The following ADAMTSL1 variants were observed in gnomAD, a reference collection of about 807,000 sequenced individuals.
ADAMTSL1 encodes the protein ADAMTS like 1.
ADAMTSL1 carries 126 observed loss-of-function variants against 201.8 expected under a neutral mutation model. The observed-to-expected ratio is 0.62, with a 90% CI of 0.54 to 0.72. The LOEUF is 0.72. Ranked by LOEUF, ADAMTSL1 falls within the 30% of genes least tolerant of loss-of-function variation. ADAMTSL1 has a pLI of 0.00. For missense variants in ADAMTSL1, 2,679 were observed against 2,277.8 expected (o/e 1.18, Z -3.59); for synonymous variants, 1,121 against 903.4 (o/e 1.24, Z -4.32).
chr9:18,789,344 T>G lies in ADAMTSL1; in HGVS notation c.3678-6053T>G, dbSNP rs191931513. Among the ~76,000 whole-genome samples, 5 of 152,302 alleles carry G rather than the reference T, an allele frequency of 3.3e-5. No homozygotes were observed. The East Asian group carries it at 5.8e-4, about 18-fold the overall frequency. ...GGTACTATCATTCTCATTTTATAAA[T>G]GAGGAAACTGTCACTGAGAAGTTAA... is the stretch of plus-strand genomic sequence containing the variant. On this transcript the variant is annotated intron_variant, in intron 19 of 28. Transcript: ENST00000380548.
intron 23 of ADAMTSL1, among the ~76,000 whole-genome samples, chr9:18,876,382 T>A (rs1828159417): frequency 6.6e-6 from 1 of 151,084 alleles, no homozygotes. Flanking sequence ...AGTTCTATTT[T>A]GGTGTATTTT....
chr9:18,073,122 C>A (rs1054870547), intron 1 of ADAMTSL1, among the ~76,000 whole-genome samples: 6 of 152,200 alleles, frequency 3.9e-5, no homozygotes, highest in Non-Finnish European at 7.3e-5. Context: ...AACAGGCTCA[C>A]CAGGCCTGCC....
At chr9:18,874,026 C>CGTAA (rs1405794309) in intron 23 of ADAMTSL1, among the ~76,000 whole-genome samples, 1 of 151,888 alleles carries the variant, frequency 6.6e-6, no homozygotes, top group African/African-American at 2.4e-5. Flanking sequence ...TAGGTATATT[C>CGTAA]GTAAGTATTT....
At chr9:18,027,885 T>C (rs898627944) in intron 1 of ADAMTSL1, among the ~76,000 whole-genome samples, 2 of 152,116 alleles carry the variant, frequency 1.3e-5, no homozygotes, top group Non-Finnish European at 2.9e-5. Context: ...TTTATAAATC[T>C]GGGTGCTCCA....
intron 1 of ADAMTSL1, among the ~76,000 whole-genome samples, chr9:17,996,066 C>T (rs1455623870): frequency 6.6e-6 from 1 of 151,998 alleles, no homozygotes; most frequent in Non-Finnish European, 1.5e-5. Context: ...GCTTTTAATA[C>T]TACTAATATT....
At chr9:18,130,081 A>G (rs1270049925) in intron 1 of ADAMTSL1, among the ~76,000 whole-genome samples, 1 of 152,144 alleles carries the variant, frequency 6.6e-6, no homozygotes, top group African/African-American at 2.4e-5. Context: ...CAGAGAGAAA[A>G]GAATGTGAAG....
In ADAMTSL1 at chr9:18,313,002, T is replaced by G. The variant is rs181086833; in HGVS notation, c.207+149021T>G. On this transcript the variant is annotated intron_variant, in intron 2 of 29. Coordinates refer to the ADAMTSL1 transcript ENST00000680146. ...GTATAGTCTGTGGAGATAATAAAGGTTCTTCTTTTATACAGATCAAACTCA... is the reference window on the plus strand; with the variant it reads ...GTATAGTCTGTGGAGATAATAAAGGGTCTTCTTTTATACAGATCAAACTCA... Among the ~76,000 whole-genome samples the G allele has an allele frequency of 1.8e-3, 277 of 152,324 alleles. 3 individuals are homozygous for G. The highest frequency in any genetic ancestry group is 6.8e-3 in the Middle Eastern group (2 of 294).
chr9:18,681,695 TGTGG>T, intron 11 of ADAMTSL1, 113 bp from the exon 12 acceptor site: 1 of 287,150 alleles, frequency 3.5e-6, no homozygotes. Context: ...GGAGTCCTCG[TGTGG>T]GGGGGGGGGG....
intron 2 of ADAMTSL1, among the ~76,000 whole-genome samples, chr9:18,425,616 A>G (rs2133379309): frequency 6.6e-6 from 1 of 152,198 alleles, no homozygotes; most frequent in Admixed American, 6.5e-5. Flanking sequence ...TCTGCTCAGG[A>G]GGCTGAGGAG....
Position 18,777,269 on chromosome 9 carries a change from G to T in ADAMTSL1, c.3040G>T (p.Ala1014Ser). Residue 1014 changes from alanine (A) to serine (S), a missense_variant, in exon 19 of 29, where the codon GCC (alanine) becomes TCC (serine). Ala to Ser is a moderately conservative substitution (Grantham distance 99, BLOSUM62 1). Transcript: ENST00000380548. ...CAGCAAGGCGGAGAAGCGGGGCCTG[G>T]CCGCCAACCCGGGGAGCCGCTACGA... ...NGSKAEKRGL[A>S]ANPGSRYDDL... 1 of 1,609,904 alleles carries T rather than the reference G, an allele frequency of 6.2e-7. No individual in the cohort carries two copies.
intron 16 of ADAMTSL1, among the ~76,000 whole-genome samples, chr9:18,759,106 A>G (rs979650614): frequency 2.0e-5 from 3 of 152,190 alleles, no homozygotes; most frequent in Non-Finnish European, 4.4e-5. Flanking sequence ...GATTGCGTCC[A>G]CCCAACTGTA....
upstream of ADAMTSL1, chr9:18,473,998 G>A: frequency 2.1e-6 from 1 of 475,110 alleles, no homozygotes; most frequent in Non-Finnish European, 3.7e-6. Context: ...TTGTTATTCA[G>A]CATGTCTGAT....
rs1830334820 is a variant in ADAMTSL1 at position 18,906,809 on chromosome 9, G to A, written c.5079G>A (p.Glu1693=). The A allele has an allele frequency of 6.2e-7, 1 of 1,614,038 alleles. No homozygotes were observed. Among genetic ancestry groups the A allele is most frequent in the Non-Finnish European group, 8.5e-7 (1 of 1,179,890 alleles). The change falls in exon 28 of 29, where the codon GAG becomes GAA. Residue 1693 remains glutamate, a synonymous_variant. Coordinates refer to ENST00000380548, the MANE Select transcript of ADAMTSL1 (RefSeq NM_001040272.6). ...ACGGCTTCCAGTCCCGGCGTGTGGAGTGTGTGCATGCCCGCACCAACAAGG... is the reference window on the plus strand; with the variant it reads ...ACGGCTTCCAGTCCCGGCGTGTGGAATGTGTGCATGCCCGCACCAACAAGG... ...GNYGFQSRRV[E]CVHARTNKAV...
intron 2 of ADAMTSL1, among the ~76,000 whole-genome samples, chr9:18,311,565 C>T (rs1563878009): frequency 6.6e-6 from 1 of 152,068 alleles, no homozygotes; most frequent in Non-Finnish European, 1.5e-5. Flanking sequence ...CTTCCCTAGG[C>T]CTGAACTGCT....
chr9:17,969,037 C>G (rs1252622900), intron 1 of ADAMTSL1, among the ~76,000 whole-genome samples: 1 of 152,022 alleles, frequency 6.6e-6, no homozygotes, highest in Non-Finnish European at 1.5e-5. Context: ...ATTTCCTCCT[C>G]TCACAGTTTC....
At chr9:18,877,321 A>G (rs1356795821) in intron 23 of ADAMTSL1, among the ~76,000 whole-genome samples, 1 of 152,108 alleles carries the variant, frequency 6.6e-6, no homozygotes, top group African/African-American at 2.4e-5. Flanking sequence ...TCATAATACC[A>G]GGATTGTTTT....
intron 1 of ADAMTSL1, among the ~76,000 whole-genome samples, chr9:18,160,956 G>C (rs1458459159): frequency 6.6e-6 from 1 of 150,990 alleles, no homozygotes; most frequent in Non-Finnish European, 1.5e-5. Context: ...TCAAAGTGCT[G>C]GGATTATAGG....
intron 1 of ADAMTSL1, among the ~76,000 whole-genome samples, chr9:18,059,786 A>C (rs1472289971): frequency 1.3e-5 from 2 of 152,160 alleles, no homozygotes; most frequent in African/African-American, 4.8e-5. Context: ...TTAAATTTTG[A>C]AACATGGCAA....
intron 2 of ADAMTSL1, among the ~76,000 whole-genome samples, chr9:18,414,497 A>T (rs1198939675): frequency 6.6e-6 from 1 of 152,222 alleles, no homozygotes; most frequent in Non-Finnish European, 1.5e-5. Context: ...CCAAAAAAAC[A>T]AACAAAAATG....
Sources: gnomAD v4.1 joint callset for allele counts (sites outside exome capture counted in the v4.1 genomes callset) on GRCh38, gnomAD v4.1.1 for gene constraint, MANE v1.5 for transcripts, NCBI Gene and HGNC (gene_info 2026-07-23, HGNC 2026-07-21) for gene names.